The following ARFGEF1 variants were observed in gnomAD, a reference collection of about 807,000 sequenced individuals.
ARFGEF1 encodes ARF guanine nucleotide exchange factor 1.
ARFGEF1 carries 42 observed loss-of-function variants against 231.0 expected under a neutral mutation model. The observed-to-expected ratio is 0.18, with a 90% CI of 0.14 to 0.24. ARFGEF1 has a LOEUF of 0.24. ARFGEF1 is among the 10% of genes least tolerant of loss of function. ARFGEF1 has a pLI of 1.00. For missense variants in ARFGEF1, 1,345 were observed against 2,192.0 expected (o/e 0.61, Z 7.72); for synonymous variants, 710 against 732.3 (o/e 0.97, Z 0.49).
intron 5 of ARFGEF1, among the ~76,000 whole-genome samples, chr8:67,184,021 T>G (rs1833725839): frequency 1.3e-5 from 2 of 151,996 alleles, no homozygotes; most frequent in African/African-American, 4.8e-5. Context: ...CCTGGCTAAT[T>G]TTTGTATTTT....
chr8:67,289,549 CAAAAAAAA>C (rs552601455), intron 6 of ARFGEF1, among the ~76,000 whole-genome samples: 29 of 44,844 alleles, frequency 6.5e-4, no homozygotes, highest in East Asian at 2.7e-3. Flanking sequence ...ACTCTGTATC[CAAAAAAAA>C]AAAAAAAAAA....
chr8:67,269,626 C>T (rs1202394761), intron 10 of ARFGEF1, among the ~76,000 whole-genome samples: 3 of 152,030 alleles, frequency 2.0e-5, no homozygotes, highest in African/African-American at 7.2e-5. Flanking sequence ...GCTGGGATTA[C>T]AGGTGTGAGC....
chr8:67,343,301 G>A lies in ARFGEF1; in HGVS notation c.-14C>T, dbSNP rs950530309. ...CCCCTCATACATGGACGCAGAGAAGGAGGCGGCGGCTCGTCCGACCCGCGG... is the reference window on the plus strand; with the variant it reads ...CCCCTCATACATGGACGCAGAGAAGAAGGCGGCGGCTCGTCCGACCCGCGG... On this transcript the variant is annotated 5_prime_UTR_variant, in exon 1 of 39. Transcript: ENST00000262215. 2 of 1,611,996 alleles carry A rather than the reference G, an allele frequency of 1.2e-6. No homozygotes were observed. Among genetic ancestry groups the A allele is most frequent in the Admixed American group, 3.3e-5 (2 of 59,928 alleles).
At chr8:67,231,766 T>G (rs1395856840) in intron 23 of ARFGEF1, among the ~76,000 whole-genome samples, 1 of 152,082 alleles carries the variant, frequency 6.6e-6, no homozygotes, top group Non-Finnish European at 1.5e-5. Context: ...GAGCAAGTTA[T>G]TTAATCTTTT....
intron 5 of ARFGEF1, among the ~76,000 whole-genome samples, chr8:67,179,127 G>T (rs914939144): frequency 1.3e-5 from 2 of 152,170 alleles, no homozygotes; most frequent in African/African-American, 4.8e-5. Flanking sequence ...GGGAGGTGGA[G>T]TTGGATGACT....
intron 17 of ARFGEF1, among the ~76,000 whole-genome samples, chr8:67,257,386 CATT>C (rs1169220018): frequency 1.3e-5 from 2 of 152,118 alleles, no homozygotes; most frequent in African/African-American, 4.8e-5. Context: ...TGGCCTGAAA[CATT>C]ATATTTTTTA....
chr8:67,315,533 T>A (rs80269516), intron 1 of ARFGEF1, among the ~76,000 whole-genome samples: 7,458 of 152,226 alleles, frequency 0.049, 267 homozygotes, highest in Non-Finnish European at 0.072. Context: ...AGAACTGAGA[T>A]CATACAGAGT....
intron 37 of ARFGEF1, among the ~76,000 whole-genome samples, chr8:67,201,152 G>A (rs2129577218): frequency 6.6e-6 from 1 of 152,234 alleles, no homozygotes; most frequent in South Asian, 2.1e-4. Context: ...ATGCAGGCAG[G>A]CAAGTTTTCA....
At chr8:67,271,666 T>G in intron 10 of ARFGEF1, 36 bp downstream of exon 10, 1 of 1,391,830 alleles carries the variant, frequency 7.2e-7, no homozygotes, top group South Asian at 1.2e-5. Flanking sequence ...AAATGAAATA[T>G]CCAATAGTAA....
At chr8:67,263,615 TTC>T (rs1328589443) in intron 14 of ARFGEF1, among the ~76,000 whole-genome samples, 1 of 152,196 alleles carries the variant, frequency 6.6e-6, no homozygotes, top group African/African-American at 2.4e-5. Context: ...GCACATGCCA[TTC>T]TCTTAGTCTG....
At chr8:67,182,005 C>CT (rs575507037) in intron 5 of ARFGEF1, among the ~76,000 whole-genome samples, 2 of 151,964 alleles carry the variant, frequency 1.3e-5, no homozygotes, top group African/African-American at 2.4e-5. Flanking sequence ...GTCAGATTTT[C>CT]TTTTTTTACC....
In ARFGEF1 at chr8:67,212,396, T is replaced by C. The variant is rs568478513; in HGVS notation, c.4687-781A>G. ...CCACGCCCAGCCACAGGTTCCAGTATTATTAAGAGTGTAACCTTGGAAAAA... is the reference window on the plus strand; with the variant it reads ...CCACGCCCAGCCACAGGTTCCAGTACTATTAAGAGTGTAACCTTGGAAAAA... On this transcript the variant is annotated intron_variant, in intron 33 of 38. Coordinates refer to ENST00000262215, the MANE Select transcript of ARFGEF1 (RefSeq NM_006421.5). Among the ~76,000 whole-genome samples, 3 of 152,296 alleles carry C rather than the reference T, an allele frequency of 2.0e-5. No individual in the cohort carries two copies. In the South Asian group the frequency reaches 6.2e-4, roughly 32 times the overall value.
At chr8:67,212,509 C>G (rs540015454) in intron 33 of ARFGEF1, among the ~76,000 whole-genome samples, 39 of 152,294 alleles carry the variant, frequency 2.6e-4, no homozygotes, top group Non-Finnish European at 4.6e-4. Context: ...TATAATAAAT[C>G]CAAAACACTA....
intron 33 of ARFGEF1, 103 bp downstream of exon 33, chr8:67,216,487 T>C: frequency 9.6e-7 from 1 of 1,041,112 alleles, no homozygotes; most frequent in Non-Finnish European, 1.4e-6. Flanking sequence ...ATTTTTTTAA[T>C]AGCAGGAATG....
intron 7 of ARFGEF1, among the ~76,000 whole-genome samples, chr8:67,282,346 T>C (rs984281348): frequency 6.6e-6 from 1 of 152,132 alleles, no homozygotes; most frequent in African/African-American, 2.4e-5. Context: ...TATAATTAGC[T>C]ATAGAATTTC....
intron 22 of ARFGEF1, among the ~76,000 whole-genome samples, chr8:67,234,862 GAAGT>G (rs1243717088): frequency 1.3e-5 from 2 of 151,678 alleles, no homozygotes; most frequent in African/African-American, 4.8e-5. Context: ...ATGAAAGCCT[GAAGT>G]AAGTGACACA....
chr8:67,194,984 TAAAAA>T (rs1837552042), downstream of ARFGEF1, among the ~76,000 whole-genome samples: 1 of 151,982 alleles, frequency 6.6e-6, no homozygotes, highest in Non-Finnish European at 1.5e-5. Flanking sequence ...TTAAAAAAAA[TAAAAA>T]GAAAAAAGAA....
chr8:67,204,845 C>G, intron 34 of ARFGEF1, 26 bp from the exon 35 acceptor site: 1 of 1,609,014 alleles, frequency 6.2e-7, no homozygotes, highest in Non-Finnish European at 8.5e-7. Context: ...CCCCAATGCA[C>G]ATGCAAACAA....
chr8:67,336,849 G>T (rs1444730572), intron 1 of ARFGEF1, among the ~76,000 whole-genome samples: 3 of 152,172 alleles, frequency 2.0e-5, no homozygotes, highest in Non-Finnish European at 2.9e-5. Context: ...TGACAAGGCA[G>T]GCCGGGCGCG....
Sources: gnomAD v4.1 joint callset for allele counts (sites outside exome capture counted in the v4.1 genomes callset) on GRCh38, gnomAD v4.1.1 for gene constraint, MANE v1.5 for transcripts, NCBI Gene and HGNC (gene_info 2026-07-23, HGNC 2026-07-21) for gene names.